Variants in ATXN1 observed in about 807,000 individuals in gnomAD.
ATXN1 encodes ataxin 1.
A neutral mutation model predicts 56.4 loss-of-function variants in ATXN1; 8 were observed. The observed-to-expected ratio is 0.14, with a 90% CI of 0.08 to 0.26. ATXN1 has a LOEUF of 0.26. ATXN1 is among the 10% of genes least tolerant of loss of function. ATXN1 has a pLI of 1.00. For synonymous variants in ATXN1, 514 were observed against 494.6 expected (o/e 1.04, Z -0.52); for missense variants, 987 against 1,106.5 (o/e 0.89, Z 1.53).
intron 6 of ATXN1, among the ~76,000 whole-genome samples, chr6:16,357,271 AT>A (rs1416122660): frequency 1.1e-4 from 13 of 118,028 alleles, no homozygotes; most frequent in African/African-American, 3.7e-4. Flanking sequence ...ATTTTATTTT[AT>A]TTTTTTTTGC....
chr6:16,417,269 A>C (rs1179744539), intron 6 of ATXN1, among the ~76,000 whole-genome samples: 1 of 152,146 alleles, frequency 6.6e-6, no homozygotes, highest in African/African-American at 2.4e-5. Flanking sequence ...TTCTGACCTT[A>C]GGCAATCCTC....
rs1346153595 is a variant in ATXN1 at position 16,506,606 on chromosome 6, G to C, written c.-299+16021C>G. ...ATGATATATTATAATGTCTTGTTCA[G>C]AAGTGTTAGGAGAATTGATGAGTTA... On this transcript the variant is annotated intron_variant, in intron 5 of 7. Transcript: ENST00000436367. This position sits in a 1 kb window ranked among gnomAD's most constrained non-coding sequence, Gnocchi z 4.1. 6.6e-6 allele frequency among the ~76,000 whole-genome samples: 1 copy of C among 152,162 alleles called. No individual in the cohort carries two copies. Among genetic ancestry groups the C allele is most frequent in the Non-Finnish European group, 1.5e-5 (1 of 68,026 alleles).
intron 6 of ATXN1, among the ~76,000 whole-genome samples, chr6:16,347,831 A>G (rs1322924373): frequency 6.6e-6 from 1 of 152,236 alleles, no homozygotes; most frequent in Non-Finnish European, 1.5e-5. Flanking sequence ...TGCCCGAGCC[A>G]GCAGTGGTAA....
In ATXN1 at chr6:16,447,825, A is replaced by T. The variant is rs145999658; in HGVS notation, c.-161+38147T>A. On this transcript the variant is annotated intron_variant, in intron 6 of 7. Transcript: ENST00000436367. ...TTAAACTTATTTAAAAGCCCCAAAG[A>T]TTCTACCAACGGGCTTCAGAGCATC... is the stretch of plus-strand genomic sequence containing the variant. 1.5e-3 allele frequency among the ~76,000 whole-genome samples: 227 copies of T among 152,326 alleles called. 3 individuals are homozygous for T. The East Asian group carries it at 0.022, about 15-fold the overall frequency.
chr6:16,650,634 G>A (rs1413249865), intron 3 of ATXN1, among the ~76,000 whole-genome samples: 1 of 152,158 alleles, frequency 6.6e-6, no homozygotes, highest in East Asian at 1.9e-4. Context: ...TGGCCTAAAG[G>A]TTTCTCCGCA....
intron 3 of ATXN1, chr6:16,615,475 T>A (rs1218980761): frequency 7.0e-6 from 1 of 142,530 alleles, no homozygotes; most frequent in South Asian, 2.5e-4. Context: ...CTCTACCTCT[T>A]GGTGGGCCCC....
intron 2 of ATXN1, among the ~76,000 whole-genome samples, chr6:16,731,749 T>C (rs1343276177): frequency 6.6e-6 from 1 of 152,030 alleles, no homozygotes; most frequent in Non-Finnish European, 1.5e-5. Flanking sequence ...GCCGTTTCCT[T>C]CTCCGCCTCT....
Position 16,604,136 on chromosome 6 carries a change from A to G in ATXN1, c.-488-18229T>C, listed in dbSNP as rs548668785. 2.6e-5 allele frequency among the ~76,000 whole-genome samples: 4 copies of G among 152,224 alleles called. No individual in the cohort carries two copies. In the South Asian group the frequency reaches 8.3e-4, roughly 32 times the overall value. On this transcript the variant is annotated intron_variant, in intron 3 of 7. Transcript: ENST00000436367. Reference sequence around the variant, plus strand: ...CAAGGTCTTTTAACCAAGTCTGCACATGGGAGAAAACGATGGAAAGCAGAT... The same window carrying G: ...CAAGGTCTTTTAACCAAGTCTGCACGTGGGAGAAAACGATGGAAAGCAGAT...
At chr6:16,732,431 C>T (rs1276426282) in intron 2 of ATXN1, among the ~76,000 whole-genome samples, 3 of 152,048 alleles carry the variant, frequency 2.0e-5, no homozygotes, top group Non-Finnish European at 4.4e-5. Flanking sequence ...ATTAACCAGG[C>T]GTGCTAATGG....
chr6:16,395,384 G>A (rs532325367), intron 6 of ATXN1, among the ~76,000 whole-genome samples: 2 of 151,398 alleles, frequency 1.3e-5, no homozygotes, highest in South Asian at 2.1e-4. Flanking sequence ...TACTTGTATA[G>A]TGGATATAAA....
At chr6:16,709,742 C>G (rs943556895) in intron 2 of ATXN1, among the ~76,000 whole-genome samples, 6 of 152,002 alleles carry the variant, frequency 3.9e-5, no homozygotes, top group African/African-American at 1.4e-4. Context: ...TAACACTAAA[C>G]CCTAGTAAAT....
chr6:16,654,497 T>C (rs1347140419), intron 3 of ATXN1, among the ~76,000 whole-genome samples: 1 of 144,376 alleles, frequency 6.9e-6, no homozygotes, highest in African/African-American at 2.6e-5. Context: ...TGAGCCAAGA[T>C]TGCCACTGCA....
chr6:16,636,289 C>T (rs1763595879), intron 3 of ATXN1, among the ~76,000 whole-genome samples: 1 of 152,182 alleles, frequency 6.6e-6, no homozygotes, highest in Non-Finnish European at 1.5e-5. Flanking sequence ...ACAAAATTAG[C>T]AGTGCAGCCG....
At chr6:16,543,723 T>C (rs1422903589) in intron 4 of ATXN1, among the ~76,000 whole-genome samples, 2 of 151,858 alleles carry the variant, frequency 1.3e-5, no homozygotes, top group Admixed American at 6.6e-5. Flanking sequence ...TACTACTTGA[T>C]GCTTTTAGAG....
Position 16,609,996 on chromosome 6 carries a change from G to A in ATXN1, c.-488-24089C>T, listed in dbSNP as rs150817572. Among the ~76,000 whole-genome samples the A allele has an allele frequency of 3.3e-5, 5 of 151,846 alleles. No individual in the cohort carries two copies. The East Asian group carries it at 7.7e-4, about 23-fold the overall frequency. On this transcript the variant is annotated intron_variant, in intron 3 of 7. Coordinates refer to ENST00000436367, the MANE Select transcript of ATXN1 (RefSeq NM_001128164.2). ...CAAAGTATTATTTAAAACTACATTCGATGCAATGAAAAGGAAAAACAGCCT... is the reference window on the plus strand; with the variant it reads ...CAAAGTATTATTTAAAACTACATTCAATGCAATGAAAAGGAAAAACAGCCT...
chr6:16,685,038 T>A (rs765092236), intron 2 of ATXN1, among the ~76,000 whole-genome samples: 1 of 147,372 alleles, frequency 6.8e-6, no homozygotes, highest in East Asian at 1.9e-4. Flanking sequence ...CACACACACA[T>A]ACGTACATGC....
chr6:16,589,378 G>C (rs1341453339), intron 3 of ATXN1, among the ~76,000 whole-genome samples: 1 of 151,442 alleles, frequency 6.6e-6, no homozygotes, highest in Non-Finnish European at 1.5e-5. Flanking sequence ...ACAAAAAAAA[G>C]AAATGTGTGT....
Position 16,415,285 on chromosome 6 carries a change from A to C in ATXN1, c.-161+70687T>G, listed in dbSNP as rs1304348782. Reference sequence around the variant, plus strand: ...CACTCTGTCGCCCAGACTGGAGTGAAATGGTGCGATCTCGGCTCACTGCAA... The same window carrying C: ...CACTCTGTCGCCCAGACTGGAGTGACATGGTGCGATCTCGGCTCACTGCAA... On this transcript the variant is annotated intron_variant, in intron 6 of 7. Coordinates refer to ENST00000436367, the MANE Select transcript of ATXN1 (RefSeq NM_001128164.2). Among the ~76,000 whole-genome samples, 45 of 152,172 alleles carry C rather than the reference A, an allele frequency of 3.0e-4. 1 individual carries two copies. The highest frequency in any genetic ancestry group is 2.9e-3 in the Admixed American group (45 of 15,278).
At chr6:16,400,831 G>A (rs1274722465) in intron 6 of ATXN1, among the ~76,000 whole-genome samples, 1 of 152,116 alleles carries the variant, frequency 6.6e-6, no homozygotes, top group Non-Finnish European at 1.5e-5. Flanking sequence ...AGAAGGTCAT[G>A]GTCTACTTTT....
Sources: allele counts gnomAD v4.1 joint callset (sites outside exome capture counted in the v4.1 genomes callset), GRCh38; gene constraint gnomAD v4.1.1; non-coding constraint Gnocchi (gnomAD v3.1); transcripts MANE v1.5; gene names NCBI Gene and HGNC (gene_info 2026-07-23, HGNC 2026-07-21).